CNOT4: variants seen among roughly 807,000 people sequenced by gnomAD.
The protein encoded by CNOT4 is CCR4-associated factor 4.
Under a neutral mutation model 73.8 loss-of-function variants are expected in CNOT4, and 8 were observed. That is an observed-to-expected ratio of 0.11 (90% CI 0.06 to 0.20). The LOEUF is 0.20. Among genes scored for constraint, CNOT4 ranks in the 10% least tolerant of loss-of-function variants. CNOT4 has a pLI of 1.00. For missense variants in CNOT4, 564 were observed against 883.4 expected, an observed-to-expected ratio of 0.64 and a Z score of 4.58; for synonymous variants, 293 against 321.1, an observed-to-expected ratio of 0.91 and a Z score of 0.94.
intron 1 of CNOT4, among the ~76,000 whole-genome samples, chr7:135,447,323 A>G (rs1799895100): frequency 6.6e-6 from 1 of 152,230 alleles, no homozygotes; most frequent in African/African-American, 2.4e-5. Context: ...CCCCTTTTAA[A>G]TTAGGTGCCA....
intron 10 of CNOT4, among the ~76,000 whole-genome samples, chr7:135,393,163 C>T (rs905124207): frequency 2.4e-4 from 37 of 152,144 alleles, no homozygotes; most frequent in Admixed American, 2.1e-3. Context: ...ATAGAAGATA[C>T]TTCATCTAAA....
At chr7:135,433,281 C>T (rs1319382620) in intron 2 of CNOT4, among the ~76,000 whole-genome samples, 2 of 149,962 alleles carry the variant, frequency 1.3e-5, no homozygotes, top group East Asian at 3.9e-4. Context: ...GTTATTTTTG[C>T]TATTATATTT....
intron 9 of CNOT4, 64 bp downstream of exon 9, chr7:135,395,570 A>G: frequency 6.6e-7 from 1 of 1,510,644 alleles, no homozygotes; most frequent in Non-Finnish European, 9.0e-7. Context: ...AATGAGTTTC[A>G]TGTTAGTCTG....
At chr7:135,453,838 ATATATATATT>A (rs943286709) in intron 1 of CNOT4, among the ~76,000 whole-genome samples, 1 of 139,328 alleles carries the variant, frequency 7.2e-6, no homozygotes, top group African/African-American at 2.6e-5. Context: ...ATATATATAT[ATATATATATT>A]ATATATATAG....
At chr7:135,407,896 T>C (rs1797383747) in intron 7 of CNOT4, among the ~76,000 whole-genome samples, 1 of 152,238 alleles carries the variant, frequency 6.6e-6, no homozygotes, top group Non-Finnish European at 1.5e-5. Flanking sequence ...CACAAATAAT[T>C]GATCAACTGA....
chr7:135,388,325 ATT>A lies in CNOT4; in HGVS notation c.1627+5591_1627+5592del, dbSNP rs769019181. 1.2e-5 allele frequency: 12 copies of A among 985,048 alleles called. No individual in the cohort carries two copies. In the South Asian group the frequency reaches 1.4e-4, roughly 12 times the overall value. 61.0% of individuals were successfully genotyped at this position (985,048 alleles called of 1,614,324 possible). On this transcript the variant is annotated intron_variant, in intron 10 of 11. Transcript: ENST00000541284. ...TTCTGAGCATTAAATGACACCACCAATTTTGTTTTATATGTATTCTTTCTTCT... is the reference window on the plus strand; with the variant it reads ...TTCTGAGCATTAAATGACACCACCAATTGTTTTATATGTATTCTTTCTTCT...
intron 1 of CNOT4, among the ~76,000 whole-genome samples, chr7:135,497,590 C>A (rs1414588190): frequency 6.6e-6 from 1 of 152,180 alleles, no homozygotes; most frequent in African/African-American, 2.4e-5. Context: ...ACCAAGCACA[C>A]TCAAAACTAT....
chr7:135,436,877 T>C (rs1406113360), intron 2 of CNOT4, among the ~76,000 whole-genome samples: 1 of 152,072 alleles, frequency 6.6e-6, no homozygotes, highest in East Asian at 1.9e-4. Context: ...TTTAGATATC[T>C]AAAACACATT....
chr7:135,503,033 G>A (rs973335205), intron 1 of CNOT4, among the ~76,000 whole-genome samples: 6 of 151,456 alleles, frequency 4.0e-5, no homozygotes, highest in African/African-American at 1.5e-4. Context: ...CACGCCTGTA[G>A]TTCTAGCTAC....
chr7:135,466,347 A>C (rs1024939258), intron 1 of CNOT4, among the ~76,000 whole-genome samples: 11 of 149,854 alleles, frequency 7.3e-5, no homozygotes, highest in African/African-American at 2.7e-4. Flanking sequence ...GGTGGCATGC[A>C]CCTGTAATCC....
intron 1 of CNOT4, among the ~76,000 whole-genome samples, chr7:135,464,047 G>GT (rs1320440999): frequency 8.7e-6 from 1 of 114,460 alleles, no homozygotes; most frequent in African/African-American, 3.4e-5. Context: ...AAAACAGATG[G>GT]TGGCAAGGTT....
chr7:135,502,373 C>T (rs1220689809), intron 1 of CNOT4, among the ~76,000 whole-genome samples: 1 of 152,188 alleles, frequency 6.6e-6, no homozygotes, highest in Non-Finnish European at 1.5e-5. Flanking sequence ...ACAGACTGGA[C>T]TCATACTACA....
intron 1 of CNOT4, among the ~76,000 whole-genome samples, chr7:135,495,677 AAAAAAAAAAAAAAAAAGAAAGAAAG>A (rs1803455411): frequency 4.3e-5 from 4 of 92,308 alleles, no homozygotes; most frequent in Non-Finnish European, 8.7e-5. Context: ...GTCAAAAAAA[AAAAAAAAAAAAAAAAAGAAAGAAAG>A]AAAGAAAGAA....
intron 1 of CNOT4, among the ~76,000 whole-genome samples, chr7:135,505,933 T>C (rs1000916958): frequency 2.6e-5 from 4 of 152,148 alleles, no homozygotes; most frequent in Admixed American, 6.6e-5. Flanking sequence ...TTAAAAACAA[T>C]TGTGAAGTTC....
intron 1 of CNOT4, among the ~76,000 whole-genome samples, chr7:135,440,010 A>T (rs76346292): frequency 0.021 from 3,204 of 152,110 alleles, 114 homozygotes; most frequent in African/African-American, 0.066. Flanking sequence ...AGATTTTTTT[A>T]AAAATCTTGG....
At chr7:135,453,844 ATATT>A (rs1240214662) in intron 1 of CNOT4, among the ~76,000 whole-genome samples, 2 of 139,710 alleles carry the variant, frequency 1.4e-5, no homozygotes, top group East Asian at 2.1e-4. Flanking sequence ...ATATATATAT[ATATT>A]ATATATATAG....
intron 1 of CNOT4, among the ~76,000 whole-genome samples, chr7:135,473,055 C>A (rs555688200): frequency 0.011 from 1,705 of 151,410 alleles, 9 homozygotes; most frequent in Non-Finnish European, 0.018. Flanking sequence ...AAAAAAAATA[C>A]AATTTATAGT....
intron 10 of CNOT4, among the ~76,000 whole-genome samples, chr7:135,390,054 A>G (rs1373661891): frequency 1.3e-5 from 2 of 152,122 alleles, no homozygotes; most frequent in African/African-American, 4.8e-5. Context: ...AAGTCGATAC[A>G]CTTTATTCTA....
At chr7:135,395,580 G>A in intron 9 of CNOT4, 54 bp downstream of exon 9, 9 of 1,549,090 alleles carry the variant, frequency 5.8e-6, no homozygotes, top group Non-Finnish European at 7.9e-6. Context: ...ATGTTAGTCT[G>A]TCAACAATAC....
Sources: gnomAD v4.1 joint callset for allele counts (sites outside exome capture counted in the v4.1 genomes callset) on GRCh38, gnomAD v4.1.1 for gene constraint, MANE v1.5 for transcripts, NCBI Gene and HGNC (gene_info 2026-07-23, HGNC 2026-07-21) for gene names.